Variants in DEPDC5 observed in about 807,000 individuals in gnomAD.
DEPDC5 encodes the protein GATOR1 complex protein DEPDC5.
DEPDC5 carries 73 observed loss-of-function variants against 217.3 expected under a neutral mutation model. That is an observed-to-expected ratio of 0.34 (90% CI 0.28 to 0.41). The LOEUF is 0.41. Among genes scored for constraint, DEPDC5 ranks in the 10% least tolerant of loss-of-function variants. The pLI is 1.00. For missense variants in DEPDC5, 1,675 were observed against 2,070.1 expected, an observed-to-expected ratio of 0.81 and a Z score of 3.70; for synonymous variants, 733 against 756.7, an observed-to-expected ratio of 0.97 and a Z score of 0.51.
chr22:31,775,137 A>G (rs1187215920), intron 7 of DEPDC5, among the ~76,000 whole-genome samples: 4 of 150,850 alleles, frequency 2.7e-5, no homozygotes, highest in African/African-American at 7.3e-5. Flanking sequence ...ACTATGACTC[A>G]TGGTACACAG....
At chr22:31,775,782 C>T (rs2148289358) in intron 7 of DEPDC5, among the ~76,000 whole-genome samples, 1 of 152,120 alleles carries the variant, frequency 6.6e-6, no homozygotes, top group African/African-American at 2.4e-5. Flanking sequence ...TGGCTCACAC[C>T]TGTAAACCCA....
At chr22:31,804,032 A>G (rs995000956) in intron 15 of DEPDC5, 130 bp from the exon 16 acceptor site, 1 of 795,632 alleles carries the variant, frequency 1.3e-6, no homozygotes, top group African/African-American at 1.7e-5. Flanking sequence ...AGGCAGCACT[A>G]TGAGGTTATA....
intron 22 of DEPDC5, 64 bp downstream of exon 22, chr22:31,819,289 G>A (rs2089455001): frequency 1.3e-6 from 2 of 1,566,708 alleles, no homozygotes; most frequent in Admixed American, 3.4e-5. Context: ...CTCAGTGTCG[G>A]TCACCCATGT....
intron 38 of DEPDC5, among the ~76,000 whole-genome samples, chr22:31,886,249 C>T (rs1025558105): frequency 6.6e-6 from 1 of 152,074 alleles, no homozygotes; most frequent in Non-Finnish European, 1.5e-5. Flanking sequence ...GTCATGAACT[C>T]CTCGGCTCAA....
At chr22:31,779,962 G>C (rs1601770509) in intron 8 of DEPDC5, among the ~76,000 whole-genome samples, 1 of 152,184 alleles carries the variant, frequency 6.6e-6, no homozygotes, top group Non-Finnish European at 1.5e-5. Context: ...TTTAAATCAT[G>C]ATGGCCAGAT....
At chr22:31,863,257 C>G (rs905316889) in intron 33 of DEPDC5, among the ~76,000 whole-genome samples, 3 of 152,186 alleles carry the variant, frequency 2.0e-5, no homozygotes, top group Non-Finnish European at 2.9e-5. Flanking sequence ...ACCTCCACCT[C>G]GAAGGTTCAA....
chr22:31,821,438 T>C (rs2089687318), intron 22 of DEPDC5, 64 bp from the exon 23 acceptor site: 5 of 1,593,302 alleles, frequency 3.1e-6, no homozygotes, highest in South Asian at 2.2e-5. Context: ...AGGGAGAGTA[T>C]AGTTAAGTGC....
Position 31,802,826 on chromosome 22 carries a change from A to T in DEPDC5, c.1069A>T (p.Met357Leu). The T allele has an allele frequency of 6.2e-7, 1 of 1,602,394 alleles. No individual in the cohort carries two copies. The highest frequency in any genetic ancestry group is 8.5e-7 in the Non-Finnish European group (1 of 1,174,892). Reference protein sequence around the residue: ...RLLMILTKQRMIDNGIGVDLV... With the variant: ...RLLMILTKQRLIDNGIGVDLV... ...ACTCATGATCCTGACCAAGCAGCGG[A>T]TGATAGATAATGGTAATGCTCTCTG... The change falls in exon 15 of 43, where the codon ATG becomes TTG. Residue 357 changes from methionine (M) to leucine (L), a missense_variant. Met to Leu is a conservative substitution (Grantham distance 15). This residue lies in a region of DEPDC5 where 628 missense variants were observed against 762.1 expected (regional missense o/e 0.82). Coordinates refer to ENST00000651528, the MANE Select transcript of DEPDC5 (RefSeq NM_001242896.3).
At chr22:31,893,439 A>G in intron 38 of DEPDC5, 143 bp from the exon 39 acceptor site, 2 of 731,158 alleles carry the variant, frequency 2.7e-6, no homozygotes, top group South Asian at 4.0e-5. Context: ...CAATATCTAG[A>G]TGATTTCCAG....
At chr22:31,789,183 G>A (rs544033330) in intron 10 of DEPDC5, among the ~76,000 whole-genome samples, 12 of 152,312 alleles carry the variant, frequency 7.9e-5, no homozygotes, top group African/African-American at 2.2e-4. Flanking sequence ...GGCCTAGCCC[G>A]TATTCTTGAC....
intron 24 of DEPDC5, among the ~76,000 whole-genome samples, chr22:31,831,649 C>T (rs950502235): frequency 4.6e-5 from 7 of 152,026 alleles, no homozygotes; most frequent in East Asian, 3.8e-4. Context: ...TTAGTAGAGA[C>T]GAGGTTTCAC....
rs922985707 is a variant in DEPDC5, at chr22:31,760,757, A to G, written c.193+55A>G. 7.8e-6 allele frequency: 11 copies of G among 1,406,844 alleles called. No individual in the cohort carries two copies. The African/African-American group carries it at 1.3e-4, about 17-fold the overall frequency. The allele number at this position is 1,406,844 out of a possible 1,614,324, so 87.1% of individuals were successfully genotyped here. On this transcript the variant is annotated intron_variant, in intron 4 of 42. Transcript: ENST00000651528. ...TTTTATTTACTGCCTCAGAAACTGTAAGAAATCTCTCTTCATAATTTCAAG... is the reference window on the plus strand; with the variant it reads ...TTTTATTTACTGCCTCAGAAACTGTGAGAAATCTCTCTTCATAATTTCAAG...
chr22:31,770,594 A>G (rs891247438), intron 7 of DEPDC5, among the ~76,000 whole-genome samples: 8 of 140,986 alleles, frequency 5.7e-5, no homozygotes, highest in African/African-American at 1.9e-4. Flanking sequence ...GAGTTTCACC[A>G]TGTTGGTCAG....
chr22:31,804,133 A>G, intron 15 of DEPDC5, 29 bp from the exon 16 acceptor site: 1 of 1,612,284 alleles, frequency 6.2e-7, no homozygotes, highest in Non-Finnish European at 8.5e-7. Flanking sequence ...TTCCCTCCCC[A>G]CAATTCTTTT....
At chr22:31,896,335 TCAAA>T (rs1438435735) in intron 39 of DEPDC5, among the ~76,000 whole-genome samples, 11 of 152,200 alleles carry the variant, frequency 7.2e-5, no homozygotes, top group Non-Finnish European at 1.3e-4. Context: ...ATTATTTCGG[TCAAA>T]CAGAGATCTC....
intron 2 of DEPDC5, among the ~76,000 whole-genome samples, chr22:31,755,977 ATTC>A (rs1243548077): frequency 1.3e-5 from 2 of 151,328 alleles, no homozygotes; most frequent in Non-Finnish European, 2.9e-5. Context: ...GGTTCAAGCA[ATTC>A]TTCTGCCTCA....
chr22:31,873,900 C>G (rs1350592846), intron 35 of DEPDC5: 4 of 245,570 alleles, frequency 1.6e-5, no homozygotes, highest in African/African-American at 2.4e-5. Context: ...TCAAGTGATT[C>G]TCCCACCTCA....
intron 39 of DEPDC5, among the ~76,000 whole-genome samples, chr22:31,895,072 AGGTGGAGGTTGCAGTGAGCTGAG>A (rs1445931260): frequency 2.2e-5 from 3 of 137,174 alleles, no homozygotes; most frequent in African/African-American, 8.1e-5. Context: ...TGAACCTGGG[AGGTGGAGGTTGCAGTGAGCTGAG>A]ATCGCGCCAT....
intron 31 of DEPDC5, 27 bp downstream of exon 31, chr22:31,846,994 GT>G (rs780925225): frequency 2.1e-4 from 338 of 1,614,032 alleles, no homozygotes; most frequent in Non-Finnish European, 1.1e-4. Flanking sequence ...AGACTGACTT[GT>G]CCCCACCTTG....
Sources: allele counts gnomAD v4.1 joint callset (sites outside exome capture counted in the v4.1 genomes callset), GRCh38; gene constraint gnomAD v4.1.1; regional missense constraint gnomAD v4.1.1; transcripts MANE v1.5; gene names NCBI Gene and HGNC (gene_info 2026-07-23, HGNC 2026-07-21).